Variants in LRBA observed in about 807,000 individuals in gnomAD.
LRBA encodes lipopolysaccharide-responsive and beige-like anchor protein.
Under a neutral mutation model 330.0 loss-of-function variants are expected in LRBA, and 176 were observed. The ratio of observed to expected loss-of-function variants is 0.53; its 90% CI spans 0.47 to 0.60. The LOEUF is 0.60. LRBA is among the 20% of genes least tolerant of loss of function. The pLI is 0.00. For synonymous variants in LRBA, 1,230 were observed against 1,193.0 expected, an observed-to-expected ratio of 1.03 and a Z score of -0.64; for missense variants, 3,259 against 3,444.8, an observed-to-expected ratio of 0.95 and a Z score of 1.35.
intron 37 of LRBA, among the ~76,000 whole-genome samples, chr4:150,654,730 TC>T (rs1436723514): frequency 6.6e-6 from 1 of 152,122 alleles, no homozygotes; most frequent in Non-Finnish European, 1.5e-5. Context: ...TGCGTGATGT[TC>T]CCCTTCCTGT....
At chr4:150,327,668 G>C (rs1013464908) in intron 48 of LRBA, among the ~76,000 whole-genome samples, 1 of 152,202 alleles carries the variant, frequency 6.6e-6, no homozygotes, top group African/African-American at 2.4e-5. Flanking sequence ...CAAAGAGATA[G>C]TAACAATACC....
At chr4:150,763,799 C>T (rs535328081) in intron 34 of LRBA, among the ~76,000 whole-genome samples, 1 of 151,784 alleles carries the variant, frequency 6.6e-6, no homozygotes, top group African/African-American at 2.4e-5. Flanking sequence ...GACAGATGGA[C>T]CTCAGCTAGG....
chr4:150,806,015 T>C (rs1317612785), intron 33 of LRBA, among the ~76,000 whole-genome samples: 3 of 70,288 alleles, frequency 4.3e-5, no homozygotes, highest in African/African-American at 1.5e-4. Context: ...TTAATTTTAA[T>C]GTATCAAAAA....
intron 47 of LRBA, among the ~76,000 whole-genome samples, chr4:150,371,182 A>ATTTTTTTTTTTTTTTTTTTTTTTTTT (rs70937395): frequency 5.4e-5 from 5 of 91,924 alleles, no homozygotes; most frequent in African/African-American, 2.4e-4. Context: ...AAGCTACTAA[A>ATTTTTTTTTTTTTTTTTTTTTTTTTT]TTTTTTTTTT....
intron 2 of LRBA, chr4:150,970,523 T>TTGTGTGTGTGTGTGTG (rs372306849): frequency 2.6e-5 from 3 of 115,632 alleles, no homozygotes; most frequent in African/African-American, 6.8e-5. Flanking sequence ...TAATATATAC[T>TTGTGTGTGTGTGTGTG]TGTGTGTGTG....
chr4:150,496,752 G>A (rs1005190860), intron 40 of LRBA, among the ~76,000 whole-genome samples: 1 of 151,818 alleles, frequency 6.6e-6, no homozygotes, highest in African/African-American at 2.4e-5. Context: ...GAAGATTTTG[G>A]TGTTAAGAAT....
At chr4:150,966,346 C>G (rs1300462617) in intron 2 of LRBA, among the ~76,000 whole-genome samples, 6 of 149,980 alleles carry the variant, frequency 4.0e-5, no homozygotes, top group Non-Finnish European at 8.9e-5. Context: ...CTCGTTCTGT[C>G]ACCCAGGCTG....
intron 40 of LRBA, among the ~76,000 whole-genome samples, chr4:150,559,665 A>G (rs1767859493): frequency 1.2e-5 from 1 of 86,142 alleles, no homozygotes; most frequent in Non-Finnish European, 2.1e-5. Flanking sequence ...TAATTATAAT[A>G]TATATATTAT....
chr4:150,702,540 G>C (rs1785216781), intron 36 of LRBA, among the ~76,000 whole-genome samples: 1 of 151,976 alleles, frequency 6.6e-6, no homozygotes, highest in South Asian at 2.1e-4. Flanking sequence ...CTACAGATTT[G>C]AGACTACACT....
intron 37 of LRBA, among the ~76,000 whole-genome samples, chr4:150,660,477 G>GT (rs2067294382): frequency 6.6e-6 from 1 of 151,474 alleles, no homozygotes; most frequent in African/African-American, 2.4e-5. Context: ...CGGGAGGGAG[G>GT]TGGGGGGGGT....
chr4:150,949,323 G>T (rs549799111), intron 2 of LRBA, among the ~76,000 whole-genome samples: 13 of 152,092 alleles, frequency 8.5e-5, no homozygotes, highest in Non-Finnish European at 1.9e-4. Context: ...GAACCAATTG[G>T]TTTTTTTCTC....
At chr4:150,883,455 G>C (rs1728625221) in intron 17 of LRBA, among the ~76,000 whole-genome samples, 1 of 152,046 alleles carries the variant, frequency 6.6e-6, no homozygotes, top group Non-Finnish European at 1.5e-5. Context: ...GTGAGACGCT[G>C]TCTCAAAAAA....
intron 13 of LRBA, among the ~76,000 whole-genome samples, chr4:150,904,405 G>T (rs1049463097): frequency 1.3e-5 from 2 of 152,076 alleles, no homozygotes; most frequent in Non-Finnish European, 2.9e-5. Flanking sequence ...GCTAAAACAG[G>T]AGAAAATGCT....
At chr4:150,301,076 T>C (rs771890252) in intron 53 of LRBA, among the ~76,000 whole-genome samples, 20 of 152,144 alleles carry the variant, frequency 1.3e-4, no homozygotes, top group East Asian at 3.9e-4. Flanking sequence ...CAATTTTAAA[T>C]ATAGGTTTGC....
chr4:150,984,424 G>A (rs1338914609), intron 2 of LRBA, among the ~76,000 whole-genome samples: 1 of 152,088 alleles, frequency 6.6e-6, no homozygotes, highest in Admixed American at 6.5e-5. Flanking sequence ...CAGGAGAATT[G>A]CTTGAACCCG....
intron 2 of LRBA, among the ~76,000 whole-genome samples, chr4:151,002,085 G>A (rs571626970): frequency 2.7e-5 from 4 of 149,548 alleles, no homozygotes; most frequent in African/African-American, 7.3e-5. Flanking sequence ...TCATAGATAC[G>A]TCTTCAAATA....
At chr4:150,791,148 C>T (rs563370642) in intron 34 of LRBA, among the ~76,000 whole-genome samples, 3 of 152,274 alleles carry the variant, frequency 2.0e-5, no homozygotes, top group African/African-American at 7.2e-5. Context: ...ACTGGGTCTG[C>T]TCATGTTGTT....
At chr4:150,775,299 C>G (rs1737125116) in intron 34 of LRBA, among the ~76,000 whole-genome samples, 1 of 152,098 alleles carries the variant, frequency 6.6e-6, no homozygotes, top group African/African-American at 2.4e-5. Context: ...CATTATAAAT[C>G]TACTCCAAAG....
chr4:150,948,678 T>C (rs935338367), intron 2 of LRBA, among the ~76,000 whole-genome samples: 2 of 151,784 alleles, frequency 1.3e-5, no homozygotes, highest in Non-Finnish European at 2.9e-5. Context: ...AGCTACAAAC[T>C]AGGAGAAAAT....
Sources: gnomAD v4.1 joint callset for allele counts (sites outside exome capture counted in the v4.1 genomes callset) on GRCh38, gnomAD v4.1.1 for gene constraint, MANE v1.5 for transcripts, NCBI Gene and HGNC (gene_info 2026-07-23, HGNC 2026-07-21) for gene names.